Variants in XKR4 observed in about 807,000 individuals in gnomAD.
The protein encoded by XKR4 is XK-related protein 4.
In XKR4, 12 loss-of-function variants were observed where a neutral mutation model predicts 53.9. The ratio of observed to expected loss-of-function variants is 0.22; its 90% confidence interval spans 0.14 to 0.36. The LOEUF is 0.36. Ranked by LOEUF, XKR4 falls within the 10% of genes least tolerant of loss-of-function variation. XKR4 has a pLI of 1.00. For synonymous variants in XKR4, 354 were observed against 362.4 expected (o/e 0.98, Z 0.26); for missense variants, 799 against 859.5 (o/e 0.93, Z 0.88).
At chr8:55,209,767 A>G (rs1817704041) in intron 1 of XKR4, among the ~76,000 whole-genome samples, 1 of 152,194 alleles carries the variant, frequency 6.6e-6, no homozygotes, top group Admixed American at 6.5e-5. Flanking sequence ...ACATCACAAC[A>G]CACATCCCAT....
At chr8:55,207,730 A>AGAGGAGGAAGGGGAAGAG (rs1554569695) in intron 1 of XKR4, among the ~76,000 whole-genome samples, 1 of 150,012 alleles carries the variant, frequency 6.7e-6, no homozygotes, top group Non-Finnish European at 1.5e-5. Flanking sequence ...CTCATAAAGA[A>AGAGGAGGAAGGGGAAGAG]GAGGAGGAAG....
rs143803258 is a variant in XKR4, at chr8:55,436,618, C to G, written c.1006+78741C>G. ...TTTTCTTCCTGTGGTCTTTTGGCCT[C>G]CAACCTCACAGACTGACAATTTATT... On this transcript the variant is annotated intron_variant, in intron 2 of 2. Coordinates refer to ENST00000327381, the MANE Select transcript of XKR4 (RefSeq NM_052898.2). Among the ~76,000 whole-genome samples the G allele has an allele frequency of 3.3e-3, 502 of 152,284 alleles. 5 individuals are homozygous for G. Among genetic ancestry groups the G allele is most frequent in the African/African-American group, 0.011 (474 of 41,570 alleles).
chr8:55,398,293 G>T (rs1165965398), intron 2 of XKR4, among the ~76,000 whole-genome samples: 2 of 152,188 alleles, frequency 1.3e-5, no homozygotes, highest in Non-Finnish European at 2.9e-5. Flanking sequence ...GGGCCACCAA[G>T]CACCCTCGCC....
chr8:55,266,131 C>T (rs1489532100), intron 1 of XKR4, among the ~76,000 whole-genome samples: 1 of 151,866 alleles, frequency 6.6e-6, no homozygotes, highest in Admixed American at 6.6e-5. Flanking sequence ...GCACTCCAGC[C>T]TCAGTGACAG....
At chr8:55,178,513 A>G (rs1817262935) in intron 1 of XKR4, among the ~76,000 whole-genome samples, 1 of 152,202 alleles carries the variant, frequency 6.6e-6, no homozygotes, top group Non-Finnish European at 1.5e-5. Flanking sequence ...ACTAAAACAG[A>G]TCTCCTGACC....
chr8:55,154,600 G>A (rs1816881020), intron 1 of XKR4, among the ~76,000 whole-genome samples: 1 of 152,156 alleles, frequency 6.6e-6, no homozygotes, highest in Admixed American at 6.5e-5. Context: ...CCTTTCCTGG[G>A]CTTTAGACTT....
chr8:55,451,628 A>G (rs1054381792), intron 2 of XKR4: 7 of 1,541,772 alleles, frequency 4.5e-6, no homozygotes, highest in Admixed American at 3.6e-5. Flanking sequence ...CGGTAGCAGT[A>G]GGACACGCGC....
intron 1 of XKR4, among the ~76,000 whole-genome samples, chr8:55,177,328 T>A (rs1446112298): frequency 1.3e-5 from 2 of 152,172 alleles, no homozygotes; most frequent in African/African-American, 2.4e-5. Context: ...TGAGCCACCA[T>A]GCCTGACCAC....
intron 1 of XKR4, among the ~76,000 whole-genome samples, chr8:55,346,488 T>C (rs1427975108): frequency 6.6e-6 from 1 of 152,212 alleles, no homozygotes; most frequent in Non-Finnish European, 1.5e-5. Context: ...AGGAAAATGT[T>C]CTACCATAGA....
chr8:55,233,196 G>A lies in XKR4; in HGVS notation c.807-124482G>A, dbSNP rs897137217. ...ACAGAAATCCAGGGAAAGCTACAAC[G>A]CCTGGCTTCAGAAAGGGAGGAACTG... is the stretch of plus-strand genomic sequence containing the variant. On this transcript the variant is annotated intron_variant, in intron 1 of 2. Coordinates refer to ENST00000327381, the MANE Select transcript of XKR4 (RefSeq NM_052898.2). 2.0e-5 allele frequency among the ~76,000 whole-genome samples: 3 copies of A among 152,184 alleles called. 1 individual carries two copies. The highest frequency in any genetic ancestry group is 4.1e-4 in the South Asian group (2 of 4,828).
chr8:55,472,708 T>A (rs1293766048), intron 2 of XKR4, among the ~76,000 whole-genome samples: 1 of 152,122 alleles, frequency 6.6e-6, no homozygotes, highest in Non-Finnish European at 1.5e-5. Flanking sequence ...ATTTCGCTAT[T>A]CTGAGGTCAC....
chr8:55,454,873 CGCGTGTCGTTTCCT>C lies in XKR4; in HGVS notation c.1007-68405_1007-68392del. On this transcript the variant is annotated intron_variant, in intron 2 of 2. Transcript: ENST00000327381. ...TCCTCCCACTCAGTGGCATCCTTAG[CGCGTGTCGTTTCCT>C]GCTCCCAGAAGGTCAAGCAGCACAG... 3 of 762,908 alleles carry C rather than the reference CGCGTGTCGTTTCCT, an allele frequency of 3.9e-6. No homozygotes were observed. In the Admixed American group the frequency reaches 5.5e-5, roughly 14 times the overall value. The allele number at this position is 762,908 out of a possible 1,614,324, so 47.3% of individuals were successfully genotyped here.
Position 55,524,247 on chromosome 8 carries a change from C to A in XKR4, c.*20C>A. ...TTATAAAGCAAAAGGAGTTGCAGGACCCACAACATCCAGATGAAGGGGTGA... is the reference window on the plus strand; with the variant it reads ...TTATAAAGCAAAAGGAGTTGCAGGAACCACAACATCCAGATGAAGGGGTGA... On this transcript the variant is annotated 3_prime_UTR_variant, in exon 3 of 3. Coordinates refer to ENST00000327381, the MANE Select transcript of XKR4 (RefSeq NM_052898.2). The A allele has an allele frequency of 6.3e-7, 1 of 1,593,368 alleles. No homozygotes were observed. Among genetic ancestry groups the A allele is most frequent in the Non-Finnish European group, 8.6e-7 (1 of 1,167,660 alleles).
At chr8:55,443,530 T>TAAAAAAAAAAAAAAA (rs751152509) in intron 2 of XKR4, among the ~76,000 whole-genome samples, 4 of 74,010 alleles carry the variant, frequency 5.4e-5, no homozygotes, top group African/African-American at 1.9e-4. Flanking sequence ...TCAGTTACAT[T>TAAAAAAAAAAAAAAA]AAAAAAAAAA....
At chr8:55,505,469 T>C (rs2129403977) in intron 2 of XKR4, among the ~76,000 whole-genome samples, 1 of 152,276 alleles carries the variant, frequency 6.6e-6, no homozygotes, top group South Asian at 2.1e-4. Context: ...GAGGATCCCT[T>C]GAGCCCAGGA....
intron 2 of XKR4, among the ~76,000 whole-genome samples, chr8:55,511,458 T>C (rs940141009): frequency 6.6e-6 from 1 of 151,968 alleles, no homozygotes; most frequent in Non-Finnish European, 1.5e-5. Context: ...AACCAGCCCC[T>C]TGCCCCCAAG....
At chr8:55,148,959 A>G (rs1022986519) in intron 1 of XKR4, among the ~76,000 whole-genome samples, 1 of 152,224 alleles carries the variant, frequency 6.6e-6, no homozygotes, top group African/African-American at 2.4e-5. Context: ...GTTATTGAAG[A>G]CAAAAGTACA....
chr8:55,345,616 G>T (rs773904568), intron 1 of XKR4, among the ~76,000 whole-genome samples: 33 of 152,308 alleles, frequency 2.2e-4, no homozygotes, highest in Non-Finnish European at 4.0e-4. Context: ...GGAAAAAGTG[G>T]TCAGGTTCAA....
At position 55,103,103 on chromosome 8, in the gene XKR4, C is replaced by G; in HGVS notation, c.615C>G (p.Gly205=). The G allele has an allele frequency of 6.2e-7, 1 of 1,613,232 alleles. No individual in the cohort carries two copies. The highest frequency in any genetic ancestry group is 8.5e-7 in the Non-Finnish European group (1 of 1,179,902). ...VVGGGSAAGE[G]EARPSTPQRQ... ...GCGGTGGGTCTGCAGCCGGGGAAGG[C>G]GAGGCTCGTCCTTCCACGCCGCAAA... The change falls in exon 1 of 3, where the codon GGC becomes GGG. Residue 205 remains glycine (G), a synonymous_variant. Transcript: ENST00000327381.
Sources: gnomAD v4.1 joint callset for allele counts (sites outside exome capture counted in the v4.1 genomes callset) on GRCh38, gnomAD v4.1.1 for gene constraint, MANE v1.5 for transcripts, NCBI Gene and HGNC (gene_info 2026-07-23, HGNC 2026-07-21) for gene names.